Variants in ARID4B observed in about 807,000 individuals in gnomAD.
ARID4B encodes AT-rich interactive domain-containing protein 4B.
ARID4B carries 26 observed loss-of-function variants against 147.5 expected under a neutral mutation model. The observed-to-expected ratio is 0.18, with a 90% CI of 0.13 to 0.24. ARID4B has a LOEUF of 0.24. Ranked by LOEUF, ARID4B falls within the 10% of genes least tolerant of loss-of-function variation. The pLI is 1.00. For synonymous variants in ARID4B, 512 were observed against 507.9 expected (o/e 1.01, Z -0.11); for missense variants, 1,179 against 1,511.5 (o/e 0.78, Z 3.65).
At chr1:235,178,016 G>T in intron 20 of ARID4B, 103 bp from the exon 21 acceptor site, 1 of 575,940 alleles carries the variant, frequency 1.7e-6, no homozygotes, top group Non-Finnish European at 2.9e-6. Flanking sequence ...AAAACTACAT[G>T]TTCTTTATGA....
At chr1:235,303,218 C>T (rs1377042727) in intron 2 of ARID4B, among the ~76,000 whole-genome samples, 1 of 152,132 alleles carries the variant, frequency 6.6e-6, no homozygotes, top group African/African-American at 2.4e-5. Context: ...CCACCACACC[C>T]GGCCAGAGAG....
At position 235,258,735 on chromosome 1, in the gene ARID4B, C is replaced by T. The variant is rs921973661; in HGVS notation, c.118-1510G>A. Among the ~76,000 whole-genome samples, 194 of 152,300 alleles carry T rather than the reference C, an allele frequency of 1.3e-3. 1 individual carries two copies. Among genetic ancestry groups the T allele is most frequent in the African/African-American group, 4.6e-3 (190 of 41,566 alleles). ...AGGAGATGCCTTATACCCACAGCAT[C>T]CCAGGCATTTCTGTGTCATACAAAA... is the stretch of plus-strand genomic sequence containing the variant. On this transcript the variant is annotated intron_variant, in intron 3 of 23. Coordinates refer to ENST00000264183, the MANE Select transcript of ARID4B (RefSeq NM_016374.6).
intron 17 of ARID4B, among the ~76,000 whole-genome samples, chr1:235,197,133 A>C (rs1290011424): frequency 6.6e-6 from 1 of 152,172 alleles, no homozygotes; most frequent in Non-Finnish European, 1.5e-5. Context: ...CAAAAAAAAA[A>C]GAATGACAGT....
At position 235,222,655 on chromosome 1, in the gene ARID4B, A is replaced by G. The variant is rs1318056501; in HGVS notation, c.1065+511T>C. Among the ~76,000 whole-genome samples the G allele has an allele frequency of 2.6e-5, 4 of 151,622 alleles. No individual in the cohort carries two copies. In the East Asian group the frequency reaches 7.7e-4, roughly 29 times the overall value. ...AAGATTGACCAATTTAACAGTAATC[A>G]GAAAGCTGATATGAAAAAAAATCTT... On this transcript the variant is annotated intron_variant, in intron 13 of 23. Coordinates refer to ENST00000264183, the MANE Select transcript of ARID4B (RefSeq NM_016374.6).
At chr1:235,179,041 C>G (rs1381146621) in intron 20 of ARID4B, among the ~76,000 whole-genome samples, 1 of 152,066 alleles carries the variant, frequency 6.6e-6, no homozygotes, top group Non-Finnish European at 1.5e-5. Flanking sequence ...CCATAATTGT[C>G]AGGTTTCTCT....
At chr1:235,173,376 A>G (rs1663509955) in intron 22 of ARID4B, among the ~76,000 whole-genome samples, 1 of 151,976 alleles carries the variant, frequency 6.6e-6, no homozygotes. Context: ...AAAACAAAAC[A>G]AAAAACCTGG....
At chr1:235,251,899 C>T (rs1669668117) in intron 6 of ARID4B, among the ~76,000 whole-genome samples, 1 of 152,162 alleles carries the variant, frequency 6.6e-6, no homozygotes, top group Admixed American at 6.5e-5. Flanking sequence ...CTCTTAGTAA[C>T]ATCTTTCAAT....
intron 2 of ARID4B, among the ~76,000 whole-genome samples, chr1:235,272,991 T>C (rs958691383): frequency 6.6e-6 from 1 of 152,140 alleles, no homozygotes; most frequent in Non-Finnish European, 1.5e-5. Flanking sequence ...TATCCACAAG[T>C]GGCAATTTTG....
chr1:235,230,065 C>T (rs1668101404), intron 10 of ARID4B, among the ~76,000 whole-genome samples: 1 of 152,164 alleles, frequency 6.6e-6, no homozygotes, highest in Admixed American at 6.6e-5. Flanking sequence ...AATAAAACTA[C>T]TGGAGCCTTG....
intron 11 of ARID4B, among the ~76,000 whole-genome samples, chr1:235,226,683 G>A (rs12027647): frequency 0.28 from 41,908 of 151,970 alleles, 7,354 homozygotes; most frequent in South Asian, 0.53. Flanking sequence ...CACCATGCCC[G>A]GCTAATTTTT....
At position 235,214,017 on chromosome 1, in the gene ARID4B, C is replaced by T. The variant is rs773738645; in HGVS notation, c.1593G>A (p.Thr531=). The T allele has an allele frequency of 2.7e-5, 43 of 1,597,966 alleles. No homozygotes were observed. Among genetic ancestry groups the T allele is most frequent in the Non-Finnish European group, 3.4e-5 (40 of 1,167,396 alleles). The change falls in exon 17 of 24, where the codon ACG becomes ACA. Residue 531 remains threonine (T), a synonymous_variant. Coordinates refer to ENST00000264183, the MANE Select transcript of ARID4B (RefSeq NM_016374.6). ...EEEKAKSGDE[T]NKEEDEDDEE... The stretch of plus-strand genomic sequence containing the variant: ...CATCATCTTCATCTTCTTCTTTATT[C>T]GTTTCATCTCTTGAAAGGTTTAAAA...
intron 17 of ARID4B, among the ~76,000 whole-genome samples, chr1:235,200,901 T>A (rs1210602891): frequency 6.6e-6 from 1 of 152,134 alleles, no homozygotes; most frequent in Non-Finnish European, 1.5e-5. Context: ...CCTAGCACTT[T>A]GGGAGGCCGA....
intron 11 of ARID4B, among the ~76,000 whole-genome samples, chr1:235,226,607 C>T (rs956181317): frequency 6.6e-6 from 1 of 151,966 alleles, no homozygotes; most frequent in Non-Finnish European, 1.5e-5. Context: ...CTGCAAGCTC[C>T]GCCTCCCGGG....
chr1:235,174,144 A>G, intron 22 of ARID4B, among the ~76,000 whole-genome samples: 1 of 151,776 alleles, frequency 6.6e-6, no homozygotes, highest in East Asian at 2.0e-4. Context: ...GGTGCAAGCA[A>G]TTCTCCTGCC....
intron 2 of ARID4B, among the ~76,000 whole-genome samples, chr1:235,307,380 G>A (rs11804525): frequency 0.29 from 44,581 of 152,106 alleles, 7,689 homozygotes; most frequent in South Asian, 0.53. Flanking sequence ...AGGAGTTCAC[G>A]GCTACAGTGA....
At position 235,219,850 on chromosome 1, in the gene ARID4B, C is replaced by G; in HGVS notation, c.1526G>C (p.Arg509Thr). 6.2e-7 allele frequency: 1 copy of G among 1,608,712 alleles called. No homozygotes were observed. The highest frequency in any genetic ancestry group is 8.5e-7 in the Non-Finnish European group (1 of 1,178,556). The change falls in exon 16 of 24, where the codon AGG becomes ACG. Residue 509 changes from arginine (R) to threonine (T), a missense_variant. Coordinates refer to ENST00000264183, the MANE Select transcript of ARID4B (RefSeq NM_016374.6). ...CTTTATGTTGAGGGATTCATCTACC[C>G]TAGTTGTGTCATCATCTTTGTCATC... ...NLDDKDDDTT[R>T]VDESLNIKVE...
rs1322495428 is a variant in ARID4B, at chr1:235,167,016, G to C, written c.*1509C>G. The C allele has an allele frequency of 5.5e-6, 1 of 181,784 alleles. No individual in the cohort carries two copies. The highest frequency in any genetic ancestry group is 1.2e-5 in the Non-Finnish European group (1 of 85,062). 11.3% of individuals were successfully genotyped at this position (181,784 alleles called of 1,614,324 possible). On this transcript the variant is annotated 3_prime_UTR_variant, in exon 24 of 24. Coordinates refer to ENST00000264183, the MANE Select transcript of ARID4B (RefSeq NM_016374.6). ...ATACTTTATAGCTTTTATTCTATAA[G>C]CTTTTTTCTTCAACATTTTGCTGTC...
intron 16 of ARID4B, among the ~76,000 whole-genome samples, chr1:235,216,993 T>C (rs573202546): frequency 6.6e-6 from 1 of 152,154 alleles, no homozygotes; most frequent in Non-Finnish European, 1.5e-5. Flanking sequence ...TCTTACATCA[T>C]AGAATACACT....
intron 2 of ARID4B, among the ~76,000 whole-genome samples, chr1:235,271,638 T>A (rs988777552): frequency 4.2e-5 from 6 of 144,100 alleles, no homozygotes; most frequent in Non-Finnish European, 6.1e-5. Context: ...TTCAAAAAAA[T>A]AAAATAAAAT....
Sources: gnomAD v4.1 joint callset for allele counts (sites outside exome capture counted in the v4.1 genomes callset) on GRCh38, gnomAD v4.1.1 for gene constraint, MANE v1.5 for transcripts, NCBI Gene and HGNC (gene_info 2026-07-23, HGNC 2026-07-21) for gene names.